The following ZNF846 variants were observed in gnomAD, a reference collection of about 807,000 sequenced individuals.
The protein encoded by ZNF846 is zinc finger protein 846, also known as zinc finger protein 420 pseudogene.
Under a neutral mutation model 16.0 loss-of-function variants are expected in ZNF846, and 15 were observed. That is an observed-to-expected ratio of 0.94 (90% CI 0.63 to 1.45). The LOEUF is 1.45. Among genes scored for constraint, ZNF846 ranks in the 40% most tolerant of loss-of-function variants. ZNF846 has a pLI of 0.00. For missense variants in ZNF846, 714 were observed against 622.3 expected, an observed-to-expected ratio of 1.15 and a Z score of -1.57; for synonymous variants, 229 against 212.0, an observed-to-expected ratio of 1.08 and a Z score of -0.70.
intron 1 of ZNF846, among the ~76,000 whole-genome samples, chr19:9,779,337 T>C (rs1405454261): frequency 6.6e-6 from 1 of 151,392 alleles, no homozygotes; most frequent in Non-Finnish European, 1.5e-5. Flanking sequence ...AACACGATCA[T>C]GGCTTACCGC....
exon 6 of ZNF846, chr19:9,758,622 C>G: frequency 1.9e-6 from 3 of 1,613,188 alleles, no homozygotes; most frequent in Non-Finnish European, 2.5e-6. Flanking sequence ...AAAGTTCTTT[C>G]TTAAGGCTTT....
At chr19:9,751,443 G>A (rs564717965), downstream of ZNF846, among the ~76,000 whole-genome samples, 59 of 152,024 alleles carry the variant, frequency 3.9e-4, 1 homozygote, top group Admixed American at 2.7e-3. Context: ...TGAGCTGGCC[G>A]CACCATGGTC....
At chr19:9,774,359 T>C in intron 1 of ZNF846, 1 of 486,262 alleles carries the variant, frequency 2.1e-6, no homozygotes, top group Non-Finnish European at 3.7e-6. Flanking sequence ...TCCCAGCTAC[T>C]CGGGAGGCTG....
intron 1 of ZNF846, among the ~76,000 whole-genome samples, chr19:9,767,005 T>C (rs2045327001): frequency 6.6e-6 from 1 of 152,086 alleles, no homozygotes; most frequent in African/African-American, 2.4e-5. Context: ...TATTTTTTTT[T>C]TTGTAGAGAT....
At chr19:9,763,334 T>A in exon 3 of ZNF846, 1 of 1,611,436 alleles carries the variant, frequency 6.2e-7, no homozygotes, top group Non-Finnish European at 8.5e-7. Flanking sequence ...TGTAGAGATC[T>A]CTCTGGGCTT....
At chr19:9,768,722 G>A (rs1033865147), upstream of ZNF846, 2 of 152,416 alleles carry the variant, frequency 1.3e-5, no homozygotes, top group African/African-American at 4.8e-5. Flanking sequence ...AGCTGCTGGA[G>A]AGCGGGGAAT....
At position 9,774,795 on chromosome 19, in the gene ZNF846, A is replaced by C; in HGVS notation, c.-85-9760T>G. 6.3e-6 allele frequency: 10 copies of C among 1,599,566 alleles called. 1 individual carries two copies. In the South Asian group the frequency reaches 1.1e-4, roughly 18 times the overall value. On this transcript the variant is annotated intron_variant, in intron 1 of 4. Transcript: ENST00000586814. Reference sequence around the variant, plus strand: ...GCTGAAAACTGGAAGCCAGCAACCAAAACCGACCAAGTAATCCAGTCCCTC... The same window carrying C: ...GCTGAAAACTGGAAGCCAGCAACCACAACCGACCAAGTAATCCAGTCCCTC...
chr19:9,757,231 AC>A (rs2045145937), downstream of ZNF846, among the ~76,000 whole-genome samples: 1 of 151,582 alleles, frequency 6.6e-6, no homozygotes, highest in Admixed American at 6.6e-5. Context: ...AGTGGAAGAA[AC>A]AAAGGCTTTA....
chr19:9,778,842 C>T (rs761039895), intron 1 of ZNF846, among the ~76,000 whole-genome samples: 77 of 149,138 alleles, frequency 5.2e-4, no homozygotes, highest in Non-Finnish European at 9.4e-4. Flanking sequence ...CAAGGTCTCG[C>T]TATGTTGCCC....
chr19:9,749,708 G>A (rs1213936052), downstream of ZNF846, among the ~76,000 whole-genome samples: 1 of 151,908 alleles, frequency 6.6e-6, no homozygotes, highest in African/African-American at 2.4e-5. Flanking sequence ...TGTTGGCTAT[G>A]CATTTCCCTT....
chr19:9,777,136 A>AACACACACACACGCACACACACACAC (rs1312418216), intron 1 of ZNF846, among the ~76,000 whole-genome samples: 14 of 149,560 alleles, frequency 9.4e-5, no homozygotes, highest in African/African-American at 3.5e-4. Context: ...AACGAAAGAA[A>AACACACACACACGCACACACACACAC]ACACACACAC....
At chr19:9,768,753 T>A (rs1008799851), upstream of ZNF846, 2 of 152,482 alleles carry the variant, frequency 1.3e-5, no homozygotes, top group African/African-American at 4.8e-5. Context: ...GCGCGCCGGC[T>A]GGCACTTCCG....
chr19:9,749,946 TC>T (rs1001559487), downstream of ZNF846, among the ~76,000 whole-genome samples: 1 of 151,620 alleles, frequency 6.6e-6, no homozygotes, highest in Non-Finnish European at 1.5e-5. Flanking sequence ...TCAATTCCAC[TC>T]CCCCCCATAT....
At chr19:9,753,985 T>A (rs1439651879), downstream of ZNF846, among the ~76,000 whole-genome samples, 1 of 151,638 alleles carries the variant, frequency 6.6e-6, no homozygotes, top group Non-Finnish European at 1.5e-5. Flanking sequence ...TATAATGAGG[T>A]CTCCAATTGT....
chr19:9,773,745 G>A (rs1020549123), intron 1 of ZNF846, among the ~76,000 whole-genome samples: 1 of 152,050 alleles, frequency 6.6e-6, no homozygotes, highest in African/African-American at 2.4e-5. Context: ...TTGCACCACT[G>A]CACTTCAGCC....
chr19:9,770,646 T>C (rs1280554696), upstream of ZNF846, among the ~76,000 whole-genome samples: 2 of 151,980 alleles, frequency 1.3e-5, no homozygotes, highest in Non-Finnish European at 2.9e-5. Context: ...GGCAGGCGGA[T>C]CACCTGAGGA....
At chr19:9,783,671 G>T (rs2045528785) in intron 1 of ZNF846, among the ~76,000 whole-genome samples, 2 of 148,796 alleles carry the variant, frequency 1.3e-5, no homozygotes, top group South Asian at 4.2e-4. Flanking sequence ...GAGTCACCGT[G>T]TCCGGCCAGT....
intron 1 of ZNF846, among the ~76,000 whole-genome samples, chr19:9,781,136 TTTTG>T (rs981588386): frequency 1.5e-4 from 23 of 152,276 alleles, no homozygotes; most frequent in Admixed American, 5.9e-4. Context: ...TTAGGTGTTT[TTTTG>T]TTTGTTTGTT....
chr19:9,771,934 A>C (rs908670978), upstream of ZNF846, among the ~76,000 whole-genome samples: 7 of 151,510 alleles, frequency 4.6e-5, no homozygotes, highest in African/African-American at 1.7e-4. Context: ...TGCCCAGCTA[A>C]TTTTTGTATT....
Sources: gnomAD v4.1 joint callset for allele counts (sites outside exome capture counted in the v4.1 genomes callset) on GRCh38, gnomAD v4.1.1 for gene constraint, MANE v1.5 for transcripts, NCBI Gene and HGNC (gene_info 2026-07-23, HGNC 2026-07-21) for gene names.